The following CDH7 variants were observed in gnomAD, a reference collection of about 807,000 sequenced individuals.
The protein encoded by CDH7 is cadherin-7.
CDH7 carries 25 observed loss-of-function variants against 71.8 expected under a neutral mutation model. That is an observed-to-expected ratio of 0.35 (90% confidence interval 0.25 to 0.49). The LOEUF (loss-of-function observed/expected upper bound fraction) is 0.49, where lower values mean the gene tolerates loss of function less well. CDH7 is among the 20% of genes least tolerant of loss of function. CDH7 has a pLI of 0.99. For missense variants in CDH7, 862 were observed against 974.6 expected, an observed-to-expected ratio of 0.88 and a Z score of 1.54; for synonymous variants, 381 against 363.8, an observed-to-expected ratio of 1.05 and a Z score of -0.54.
chr18:65,822,882 A>T (rs1911986641), intron 5 of CDH7, among the ~76,000 whole-genome samples: 1 of 151,914 alleles, frequency 6.6e-6, no homozygotes, highest in Admixed American at 6.6e-5. Flanking sequence ...AGAAAAAAAA[A>T]ATTCTCTAGG....
At chr18:65,760,727 A>G (rs1349932057) in intron 1 of CDH7, among the ~76,000 whole-genome samples, 1 of 152,104 alleles carries the variant, frequency 6.6e-6, no homozygotes, top group Non-Finnish European at 1.5e-5. Flanking sequence ...CCACTATATG[A>G]AGGAAGAAGC....
intron 7 of CDH7, among the ~76,000 whole-genome samples, chr18:65,853,922 T>TATATATATATATATAC (rs1913243477): frequency 1.3e-5 from 1 of 75,808 alleles, no homozygotes; most frequent in African/African-American, 6.1e-5. Flanking sequence ...TATATATATA[T>TATATATATATATATAC]ATATATATAT....
intron 2 of CDH7, among the ~76,000 whole-genome samples, chr18:65,786,388 A>G (rs1398401289): frequency 6.6e-6 from 1 of 152,144 alleles, no homozygotes; most frequent in Non-Finnish European, 1.5e-5. Context: ...CAAAATTATC[A>G]TTACATTCCT....
Position 65,889,650 on chromosome 18 carries a change from T to C in CDH7, c.*8756T>C, listed in dbSNP as rs1914456331. The C allele has an allele frequency of 6.6e-6, 1 of 152,190 alleles. No individual in the cohort carries two copies. Among genetic ancestry groups the C allele is most frequent in the South Asian group, 2.1e-4 (1 of 4,830 alleles). The allele number at this position is 152,190 out of a possible 1,614,324, so 9.4% of individuals were successfully genotyped here. On this transcript the variant is annotated 3_prime_UTR_variant, in exon 12 of 12. Transcript: ENST00000397968. ...CAAGGAATAATGAAAAGATGATCTATGATGGTGTATACTTGCAAAATAACT... is the reference window on the plus strand; with the variant it reads ...CAAGGAATAATGAAAAGATGATCTACGATGGTGTATACTTGCAAAATAACT...
At position 65,881,967 on chromosome 18, in the gene CDH7, A is replaced by T. The variant is rs1444814208; in HGVS notation, c.*1073A>T. 6.6e-6 allele frequency: 1 copy of T among 152,208 alleles called. No individual in the cohort carries two copies. Among genetic ancestry groups the T allele is most frequent in the Non-Finnish European group, 1.5e-5 (1 of 68,016 alleles). 9.4% of individuals were successfully genotyped at this position (152,208 alleles called of 1,614,324 possible). On this transcript the variant is annotated 3_prime_UTR_variant, in exon 12 of 12. Coordinates refer to ENST00000397968, the MANE Select transcript of CDH7 (RefSeq NM_004361.5). ...AATAAAATATTTGTATTTTAGAAAG[A>T]CTTCAGAGAGAATTGAGATTTTCTT...
chr18:65,776,565 G>A (rs184910760), intron 2 of CDH7, among the ~76,000 whole-genome samples: 2 of 152,222 alleles, frequency 1.3e-5, no homozygotes, highest in East Asian at 3.9e-4. Flanking sequence ...GATGCTTAAT[G>A]GAACTAGATA....
chr18:65,862,881 C>T lies in CDH7; in HGVS notation c.1828C>T (p.Leu610=), dbSNP rs764533842. ...VLPAGLSTGA[L]IAILACVLTL... ...ACCTGCTGGCCTCAGTACAGGAGCC[C>T]TGATAGCCATACTCGCCTGTGTCTT... Residue 610 remains leucine (L), a synonymous_variant, in exon 11 of 12, where the codon CTG becomes TTG. Transcript: ENST00000397968. 4 of 1,614,064 alleles carry T rather than the reference C, an allele frequency of 2.5e-6. No homozygotes were observed. The highest frequency in any genetic ancestry group is 3.4e-6 in the Non-Finnish European group (4 of 1,180,040).
At chr18:65,800,041 G>C (rs1306569234) in intron 2 of CDH7, among the ~76,000 whole-genome samples, 1 of 152,112 alleles carries the variant, frequency 6.6e-6, no homozygotes, top group Non-Finnish European at 1.5e-5. Flanking sequence ...AATCAAAACA[G>C]ATTAAATTTT....
At chr18:65,865,873 C>G (rs1173070297) in intron 11 of CDH7, 3 of 152,044 alleles carry the variant, frequency 2.0e-5, no homozygotes, top group Admixed American at 6.6e-5. Context: ...TGGTGTGAAT[C>G]TCGTTTCTAG....
chr18:65,772,295 G>A (rs191442872), intron 2 of CDH7, among the ~76,000 whole-genome samples: 2 of 152,244 alleles, frequency 1.3e-5, no homozygotes, highest in East Asian at 1.9e-4. Context: ...TACACATTCC[G>A]CACTTGATTC....
rs1480100282 is a variant in CDH7, at chr18:65,837,102, C to T, written c.982-6710C>T. ...TTATATATTATCTTTCTCTCACCTT[C>T]TTCTGTAGAAAATATAATTTCTTGC... On this transcript the variant is annotated intron_variant, in intron 6 of 11. Coordinates refer to ENST00000397968, the MANE Select transcript of CDH7 (RefSeq NM_004361.5). 2.0e-5 allele frequency among the ~76,000 whole-genome samples: 3 copies of T among 152,268 alleles called. No individual in the cohort carries two copies. In the East Asian group the frequency reaches 5.8e-4, roughly 29 times the overall value.
intron 2 of CDH7, among the ~76,000 whole-genome samples, chr18:65,767,078 C>T (rs1916398340): frequency 6.7e-6 from 1 of 149,648 alleles, no homozygotes; most frequent in Non-Finnish European, 1.5e-5. Context: ...TAGCTGTTAA[C>T]ATCACTCTTT....
At chr18:65,847,803 T>C (rs1912984565) in intron 7 of CDH7, among the ~76,000 whole-genome samples, 1 of 152,078 alleles carries the variant, frequency 6.6e-6, no homozygotes. Context: ...TTTTTATACT[T>C]TACCCAACAT....
At chr18:65,792,817 A>G (rs1910761719) in intron 2 of CDH7, among the ~76,000 whole-genome samples, 1 of 152,190 alleles carries the variant, frequency 6.6e-6, no homozygotes, top group Admixed American at 6.5e-5. Flanking sequence ...ACCCAATTAC[A>G]TCAAGCATTT....
intron 11 of CDH7, among the ~76,000 whole-genome samples, chr18:65,872,001 G>C (rs752002851): frequency 6.6e-6 from 1 of 152,108 alleles, no homozygotes; most frequent in Non-Finnish European, 1.5e-5. Flanking sequence ...CCAAGAAACC[G>C]AGTATGGAAC....
chr18:65,880,638 T>A lies in CDH7; in HGVS notation c.2102T>A (p.Ile701Asn), dbSNP rs1304742610. ...QFLSRPAFKS[I>N]PDNVIFREFI... ...CTGAGTCGACCAGCTTTTAAAAGCA[T>A]CCCAGATAATGTCATCTTTAGGGAA... The change falls in exon 12 of 12, where the codon ATC becomes AAC. Residue 701 changes from isoleucine (I) to asparagine (N), a missense_variant. Transcript: ENST00000397968. 7.4e-6 allele frequency: 12 copies of A among 1,613,912 alleles called. No homozygotes were observed.
intron 2 of CDH7, among the ~76,000 whole-genome samples, chr18:65,797,355 T>C (rs1296587821): frequency 6.6e-6 from 1 of 152,222 alleles, no homozygotes; most frequent in Non-Finnish European, 1.5e-5. Context: ...CCAATTTTAT[T>C]ACATTTCTTT....
intron 1 of CDH7, among the ~76,000 whole-genome samples, chr18:65,755,579 A>T (rs1916007113): frequency 6.6e-6 from 1 of 152,188 alleles, no homozygotes; most frequent in South Asian, 2.1e-4. Flanking sequence ...CTCTGAAAAC[A>T]TTCTGTCCAG....
chr18:65,821,281 A>C (rs191839875), intron 4 of CDH7, among the ~76,000 whole-genome samples: 1 of 152,226 alleles, frequency 6.6e-6, no homozygotes, highest in African/African-American at 2.4e-5. Flanking sequence ...CAAACATGAA[A>C]AATCCATAAA....
Sources: allele counts gnomAD v4.1 joint callset (sites outside exome capture counted in the v4.1 genomes callset), GRCh38; gene constraint gnomAD v4.1.1; transcripts MANE v1.5; gene names NCBI Gene and HGNC (gene_info 2026-07-23, HGNC 2026-07-21).